GCLC: variants seen among roughly 807,000 people sequenced by gnomAD.
GCLC encodes the protein glutamate--cysteine ligase catalytic subunit.
GCLC carries 30 observed loss-of-function variants against 81.5 expected under a neutral mutation model. That is an observed-to-expected ratio of 0.37 (90% CI 0.28 to 0.50). The LOEUF (loss-of-function observed/expected upper bound fraction) is 0.50, where lower values mean the gene tolerates loss of function less well. Ranked by LOEUF, GCLC falls within the 20% of genes least tolerant of loss-of-function variation. The pLI, the probability that GCLC is intolerant of heterozygous loss-of-function variation, is 0.96. For missense variants in GCLC, 556 were observed against 777.4 expected, an observed-to-expected ratio of 0.72 and a Z score of 3.39; for synonymous variants, 262 against 273.3, an observed-to-expected ratio of 0.96 and a Z score of 0.41.
intron 1 of GCLC, among the ~76,000 whole-genome samples, chr6:53,523,635 G>A (rs1463653729): frequency 6.6e-6 from 1 of 152,128 alleles, no homozygotes; most frequent in Non-Finnish European, 1.5e-5. Flanking sequence ...CTGTGTGACT[G>A]GGCTGTTTGC....
intron 8 of GCLC, among the ~76,000 whole-genome samples, chr6:53,508,334 C>G (rs954470876): frequency 1.3e-5 from 2 of 152,188 alleles, no homozygotes; most frequent in Non-Finnish European, 2.9e-5. Context: ...ACAAAACACT[C>G]ATGTGGCACC....
At position 53,524,819 on chromosome 6, in the gene GCLC, T is replaced by C. The variant is rs111808013; in HGVS notation, c.151-2292A>G. Among the ~76,000 whole-genome samples, 1,217 of 152,350 alleles carry C rather than the reference T, an allele frequency of 8.0e-3. 13 individuals carry two copies. Among genetic ancestry groups the C allele is most frequent in the Non-Finnish European group, 0.011 (715 of 68,030 alleles). On this transcript the variant is annotated intron_variant, in intron 1 of 15. Coordinates refer to ENST00000650454, the MANE Select transcript of GCLC (RefSeq NM_001498.4). ...AACTAAGTTGCAATAACTTTAATTG[T>C]TAGTTTCCTAACTTTGAAAAAAATT... is the stretch of plus-strand genomic sequence containing the variant.
At chr6:53,509,646 C>G (rs1286934813) in intron 6 of GCLC, 2 of 252,098 alleles carry the variant, frequency 7.9e-6, no homozygotes, top group African/African-American at 4.6e-5. Context: ...TGTTTTCTTT[C>G]TTTCTTCCTT....
intron 1 of GCLC, among the ~76,000 whole-genome samples, chr6:53,541,125 A>G (rs968685964): frequency 2.6e-5 from 4 of 152,202 alleles, no homozygotes; most frequent in Non-Finnish European, 5.9e-5. Flanking sequence ...CTGAGGCAGG[A>G]GAATCACTTG....
At chr6:53,537,110 T>C (rs1375588354) in intron 1 of GCLC, among the ~76,000 whole-genome samples, 1 of 152,208 alleles carries the variant, frequency 6.6e-6, no homozygotes, top group African/African-American at 2.4e-5. Flanking sequence ...TTGACCATAA[T>C]GCCTTCCTTT....
At chr6:53,522,310 A>G in intron 2 of GCLC, 105 bp downstream of exon 2, 1 of 751,858 alleles carries the variant, frequency 1.3e-6, no homozygotes, top group Non-Finnish European at 2.4e-6. Context: ...CAGAGCCTGT[A>G]CTCTTAACTG....
chr6:53,528,991 G>A (rs1763128471), intron 1 of GCLC, among the ~76,000 whole-genome samples: 1 of 152,164 alleles, frequency 6.6e-6, no homozygotes, highest in Admixed American at 6.5e-5. Context: ...AATGTCACCT[G>A]TCACCAAAGG....
intron 1 of GCLC, among the ~76,000 whole-genome samples, chr6:53,542,415 C>G (rs1479011628): frequency 6.6e-6 from 1 of 152,200 alleles, no homozygotes; most frequent in Non-Finnish European, 1.5e-5. Flanking sequence ...CTCTTCAGCT[C>G]TTCCCACTTC....
At chr6:53,522,338 C>T (rs1458264098) in intron 2 of GCLC, 77 bp downstream of exon 2, 11 of 879,490 alleles carry the variant, frequency 1.3e-5, no homozygotes, top group Admixed American at 1.2e-4. Context: ...ATCCTGCCTC[C>T]AATAATTGAG....
chr6:53,507,637 T>A lies in GCLC; in HGVS notation c.946-19A>T. The A allele has an allele frequency of 9.4e-7, 1 of 1,068,082 alleles. No homozygotes were observed. The highest frequency in any genetic ancestry group is 1.4e-6 in the Non-Finnish European group (1 of 699,826). 66.2% of individuals were successfully genotyped at this position (1,068,082 alleles called of 1,614,324 possible). Reference sequence around the variant, plus strand: ...TCAATGGCTAAAGATTAAAAATATATATAAATGAATATGCTATATAAAATG... The same window carrying A: ...TCAATGGCTAAAGATTAAAAATATAAATAAATGAATATGCTATATAAAATG... On this transcript the variant is annotated intron_variant, in intron 8 of 15. Coordinates refer to ENST00000650454, the MANE Select transcript of GCLC (RefSeq NM_001498.4).
intron 1 of GCLC, among the ~76,000 whole-genome samples, chr6:53,533,676 C>T (rs1047751282): frequency 2.0e-5 from 3 of 151,800 alleles, no homozygotes; most frequent in African/African-American, 7.3e-5. Flanking sequence ...TTAAAAAATA[C>T]AACTAAAAGA....
chr6:53,502,333 C>T (rs1002733907), intron 12 of GCLC, among the ~76,000 whole-genome samples: 2 of 152,230 alleles, frequency 1.3e-5, no homozygotes, highest in African/African-American at 4.8e-5. Context: ...TTAATCCCCA[C>T]ACGGGCTTAC....
intron 1 of GCLC, among the ~76,000 whole-genome samples, chr6:53,540,203 GCACTC>G (rs1239330637): frequency 4.0e-5 from 6 of 151,848 alleles, no homozygotes; most frequent in African/African-American, 1.2e-4. Flanking sequence ...AGAGATATTA[GCACTC>G]CAATGTTCAT....
chr6:53,498,483 G>C lies in GCLC; in HGVS notation c.*273C>G. The C allele has an allele frequency of 2.3e-6, 1 of 434,666 alleles. No individual in the cohort carries two copies. Among genetic ancestry groups the C allele is most frequent in the Non-Finnish European group, 4.2e-6 (1 of 239,774 alleles). The allele number at this position is 434,666 out of a possible 1,614,324, so 26.9% of individuals were successfully genotyped here. A position where few individuals can be genotyped will look rare whatever the true frequency, so the allele number is the denominator to read the frequency against. ...ACTGCTTAGACAGTAGGTTGCTCCA[G>C]AGTAAGAATTTAAAAATGTACAAGC... On this transcript the variant is annotated 3_prime_UTR_variant, in exon 16 of 16. Transcript: ENST00000650454.
rs2277108 is a variant in GCLC at position 53,505,216 on chromosome 6, G to A, written c.1395+176C>T. 88,744 of 586,770 alleles carry A rather than the reference G, an allele frequency of 0.15. 12,601 individuals carry two copies. Among genetic ancestry groups the A allele is most frequent in the East Asian group, 0.45 (14,919 of 33,412 alleles). 36.3% of individuals were successfully genotyped at this position (586,770 alleles called of 1,614,324 possible). On this transcript the variant is annotated intron_variant, in intron 12 of 15. Transcript: ENST00000650454. Reference sequence around the variant, plus strand: ...CCATCAATCATCTTGAATGGAAAGCGTCTAGAAATTAAGCTTAGGTTTAAA... The same window carrying A: ...CCATCAATCATCTTGAATGGAAAGCATCTAGAAATTAAGCTTAGGTTTAAA...
chr6:53,505,772 G>A, intron 11 of GCLC, 31 bp downstream of exon 11: 1 of 1,238,522 alleles, frequency 8.1e-7, no homozygotes, highest in Non-Finnish European at 1.2e-6. Flanking sequence ...GAGTACTTTT[G>A]AGTCAGTTCT....
At chr6:53,534,175 T>A (rs1763219621) in intron 1 of GCLC, among the ~76,000 whole-genome samples, 2 of 152,226 alleles carry the variant, frequency 1.3e-5, no homozygotes, top group Admixed American at 6.5e-5. Flanking sequence ...AGCTCATTAA[T>A]AAAATGTATG....
chr6:53,504,384 T>C (rs935889691), intron 12 of GCLC, among the ~76,000 whole-genome samples: 8 of 152,118 alleles, frequency 5.3e-5, no homozygotes, highest in Non-Finnish European at 1.0e-4. Flanking sequence ...CTTTACAGAG[T>C]ATGCCCTTGC....
chr6:53,540,431 A>G (rs1763333248), intron 1 of GCLC, among the ~76,000 whole-genome samples: 1 of 152,142 alleles, frequency 6.6e-6, no homozygotes, highest in African/African-American at 2.4e-5. Context: ...AATACTGCTT[A>G]ATTCTACTTA....
Sources: allele counts gnomAD v4.1 joint callset (sites outside exome capture counted in the v4.1 genomes callset), GRCh38; gene constraint gnomAD v4.1.1; transcripts MANE v1.5; gene names NCBI Gene and HGNC (gene_info 2026-07-23, HGNC 2026-07-21).